SLC36A1: variants seen among roughly 807,000 people sequenced by gnomAD.
SLC36A1 encodes solute carrier family 36 member 1, also known as proton-coupled amino acid transporter 1.
Under a neutral mutation model 47.5 loss-of-function variants are expected in SLC36A1, and 30 were observed. The observed-to-expected ratio is 0.63, with a 90% CI of 0.47 to 0.86. The LOEUF (loss-of-function observed/expected upper bound fraction) is 0.86, where lower values mean the gene tolerates loss of function less well. SLC36A1 is among the 40% of genes least tolerant of loss of function. SLC36A1 has a pLI of 0.00. For synonymous variants in SLC36A1, 255 were observed against 249.7 expected, an observed-to-expected ratio of 1.02 and a Z score of -0.20; for missense variants, 517 against 606.0, an observed-to-expected ratio of 0.85 and a Z score of 1.54.
the SLC36A1 span, among the ~76,000 whole-genome samples, chr5:151,345,072 C>T: frequency 3.0e-4 from 45 of 152,052 alleles, no homozygotes; most frequent in Non-Finnish European, 6.0e-4. Context: ...AAGGTTTGCC[C>T]GGAGGACAAA....
chr5:151,431,193 T>C, the SLC36A1 span: 43 of 152,308 alleles, frequency 2.8e-4, no homozygotes, highest in African/African-American at 9.4e-4. Flanking sequence ...TTTAGCTCTT[T>C]GGATTACTAG....
the SLC36A1 span, among the ~76,000 whole-genome samples, chr5:151,399,084 A>ATATATATATATATTTT: frequency 4.7e-3 from 280 of 59,994 alleles, 3 homozygotes; most frequent in Middle Eastern, 0.01. Context: ...ATATATATAT[A>ATATATATATATATTTT]TTTTTTTTTT....
chr5:151,446,571 G>T (rs1196916002), upstream of SLC36A1, among the ~76,000 whole-genome samples: 1 of 151,982 alleles, frequency 6.6e-6, no homozygotes, highest in African/African-American at 2.4e-5. Context: ...CCACATATTT[G>T]TGAATTTTCC....
intron 1 of SLC36A1, among the ~76,000 whole-genome samples, chr5:151,457,571 G>A (rs1328092306): frequency 1.3e-5 from 2 of 152,124 alleles, no homozygotes; most frequent in East Asian, 3.9e-4. Flanking sequence ...GTTGTGGATG[G>A]GAGATGTTGA....
chr5:151,553,455 C>A, the SLC36A1 span: 1 of 1,413,822 alleles, frequency 7.1e-7, no homozygotes, highest in East Asian at 2.4e-5. Context: ...GCAGCCAGGA[C>A]AGGAACCAGA....
In SLC36A1 at chr5:151,488,372, C is replaced by T. The variant is rs886175893; in HGVS notation, c.*118C>T. ...GAAAGTCAGGGTTGCTGTGTGGGAA[C>T]CCCTCTGCCTGGCACCTGGATACCC... On this transcript the variant is annotated 3_prime_UTR_variant, in exon 11 of 11. Transcript: ENST00000243389. 8.9e-6 allele frequency: 12 copies of T among 1,341,970 alleles called. No individual in the cohort carries two copies. The African/African-American group carries it at 1.6e-4, about 18-fold the overall frequency. The allele number at this position is 1,341,970 out of a possible 1,614,324, so 83.1% of individuals were successfully genotyped here.
chr5:151,547,343 A>C, the SLC36A1 span, among the ~76,000 whole-genome samples: 1 of 152,218 alleles, frequency 6.6e-6, no homozygotes, highest in South Asian at 2.1e-4. Context: ...TCTTCATTCT[A>C]TCAGGGAGCT....
the SLC36A1 span, among the ~76,000 whole-genome samples, chr5:151,533,401 C>G: frequency 7.7e-6 from 1 of 129,610 alleles, no homozygotes; most frequent in Non-Finnish European, 1.5e-5. Context: ...CCAACACACA[C>G]ACACACACAC....
the SLC36A1 span, among the ~76,000 whole-genome samples, chr5:151,503,024 G>A: frequency 6.7e-6 from 1 of 148,288 alleles, no homozygotes; most frequent in Admixed American, 6.6e-5. Flanking sequence ...TATATGACAT[G>A]CTGGAAAACT....
At chr5:151,544,554 G>C in the SLC36A1 span, 1 of 1,614,070 alleles carries the variant, frequency 6.2e-7, no homozygotes, top group Non-Finnish European at 8.5e-7. Context: ...CCTGGGTGTG[G>C]AGAATTGGGG....
the SLC36A1 span, among the ~76,000 whole-genome samples, chr5:151,369,332 T>C: frequency 6.6e-6 from 1 of 152,226 alleles, no homozygotes; most frequent in Admixed American, 6.5e-5. Flanking sequence ...ATCAACTCAA[T>C]TGGGCTACTG....
Position 151,464,510 on chromosome 5 carries a change from C to G in SLC36A1, c.235-4C>G. The G allele has an allele frequency of 2.5e-6, 4 of 1,613,308 alleles. No homozygotes were observed. The highest frequency in any genetic ancestry group is 2.5e-6 in the Non-Finnish European group (3 of 1,179,644). On this transcript the variant is annotated splice_region_variant and splice_polypyrimidine_tract_variant and intron_variant, in intron 3 of 10. Coordinates refer to ENST00000243389, the MANE Select transcript of SLC36A1 (RefSeq NM_078483.4). ...TCTCTTTTGCCTGCAATATCTGTCC[C>G]CAGATGGGTCCCATCAGCCTGCTGA...
At chr5:151,465,434 A>G (rs1756207949) in intron 5 of SLC36A1, among the ~76,000 whole-genome samples, 1 of 152,190 alleles carries the variant, frequency 6.6e-6, no homozygotes, top group South Asian at 2.1e-4. Context: ...TTGGCGGTCT[A>G]TGACCAGTGA....
the SLC36A1 span, among the ~76,000 whole-genome samples, chr5:151,396,153 T>C: frequency 6.8e-6 from 1 of 147,632 alleles, no homozygotes; most frequent in Non-Finnish European, 1.5e-5. Flanking sequence ...ATTATTATCA[T>C]ACATATATAT....
At chr5:151,416,886 G>A in the SLC36A1 span, among the ~76,000 whole-genome samples, 17 of 152,210 alleles carry the variant, frequency 1.1e-4, no homozygotes, top group Non-Finnish European at 2.1e-4. Context: ...CCCCCATGCT[G>A]TTCTCACAAT....
chr5:151,515,223 A>G, the SLC36A1 span, among the ~76,000 whole-genome samples: 2 of 151,994 alleles, frequency 1.3e-5, no homozygotes, highest in Non-Finnish European at 2.9e-5. Flanking sequence ...CCTGCATACA[A>G]TACTCCCTGG....
chr5:151,440,472 A>T (rs921939669), intron 1 of SLC36A1, among the ~76,000 whole-genome samples: 14 of 151,928 alleles, frequency 9.2e-5, no homozygotes, highest in African/African-American at 3.4e-4. Flanking sequence ...CAGGGACCCA[A>T]GGGGTCTCAA....
the SLC36A1 span, among the ~76,000 whole-genome samples, chr5:151,407,553 C>T: frequency 1.9e-4 from 28 of 151,330 alleles, no homozygotes; most frequent in African/African-American, 4.7e-4. Flanking sequence ...AGACACAGAG[C>T]GCTGATTGGT....
chr5:151,399,190 G>A, the SLC36A1 span, among the ~76,000 whole-genome samples: 10 of 149,304 alleles, frequency 6.7e-5, no homozygotes, highest in South Asian at 2.1e-4. Context: ...AGGTTCAAGC[G>A]ATTCTCTTGC....
Sources: allele counts gnomAD v4.1 joint callset (sites outside exome capture counted in the v4.1 genomes callset), GRCh38; gene constraint gnomAD v4.1.1; transcripts MANE v1.5; gene names NCBI Gene and HGNC (gene_info 2026-07-23, HGNC 2026-07-21).